RNF144A: variants seen among roughly 807,000 people sequenced by gnomAD.
RNF144A encodes the protein E3 ubiquitin-protein ligase RNF144A.
A neutral mutation model predicts 38.7 loss-of-function variants in RNF144A; 11 were observed. That is an observed-to-expected ratio of 0.28 (90% CI 0.18 to 0.47). The LOEUF (loss-of-function observed/expected upper bound fraction) is 0.47, where lower values mean the gene tolerates loss of function less well. Among genes scored for constraint, RNF144A ranks in the 20% least tolerant of loss-of-function variants. RNF144A has a pLI of 0.99. For missense variants in RNF144A, 316 were observed against 377.2 expected (o/e 0.84, Z 1.34); for synonymous variants, 149 against 143.9 (o/e 1.04, Z -0.25).
At chr2:7,012,064 A>G (rs112631990) in intron 3 of RNF144A, among the ~76,000 whole-genome samples, 148 of 152,324 alleles carry the variant, frequency 9.7e-4, no homozygotes, top group Middle Eastern at 3.4e-3. Flanking sequence ...TTTTATCATT[A>G]TATACTGATC....
At position 6,941,883 on chromosome 2, in the gene RNF144A, T is replaced by C. The variant is rs1339214627; in HGVS notation, c.-12+736T>C. 1.3e-5 allele frequency among the ~76,000 whole-genome samples: 2 copies of C among 152,226 alleles called. No individual in the cohort carries two copies. The highest frequency in any genetic ancestry group is 2.4e-5 in the African/African-American group (1 of 41,464). On this transcript the variant is annotated intron_variant, in intron 2 of 8. Transcript: ENST00000320892. The surrounding 1 kb of genome is among the most constrained non-coding windows in gnomAD (Gnocchi z 6.5). ...CCCAGGCCAGCCTGGCTGGAAGGAC[T>C]CAGCACAGAGCTGTGAGCTGGGACT...
At chr2:7,068,400 T>C (rs1293272201), downstream of RNF144A, 1 of 470,854 alleles carries the variant, frequency 2.1e-6, no homozygotes, top group Non-Finnish European at 3.8e-6. Context: ...TTTTGGGCAT[T>C]ATAGAAGAAA....
At chr2:7,032,196 C>G (rs1027111965) in intron 8 of RNF144A, among the ~76,000 whole-genome samples, 4 of 151,604 alleles carry the variant, frequency 2.6e-5, no homozygotes, top group Non-Finnish European at 5.9e-5. Context: ...ATCCACGCCC[C>G]TTGCAGCTCT....
chr2:7,047,685 C>T (rs309297), downstream of RNF144A, among the ~76,000 whole-genome samples: 55,565 of 152,090 alleles, frequency 0.37, 11,123 homozygotes, highest in South Asian at 0.55. Context: ...AAAAGCCTTA[C>T]GCTTGAACTG....
intron 1 of RNF144A, among the ~76,000 whole-genome samples, chr2:6,936,149 G>A (rs915920879): frequency 1.1e-4 from 16 of 152,288 alleles, no homozygotes; most frequent in Admixed American, 3.3e-4. Flanking sequence ...TTCTTTCTCC[G>A]TACATTCTCA....
intron 3 of RNF144A, among the ~76,000 whole-genome samples, chr2:7,010,035 A>T (rs1172828038): frequency 6.6e-6 from 1 of 152,222 alleles, no homozygotes; most frequent in African/African-American, 2.4e-5. Context: ...AATAATTAAT[A>T]GTTCTTGTTT....
chr2:6,959,060 G>A (rs886801654), intron 2 of RNF144A, among the ~76,000 whole-genome samples: 1 of 152,210 alleles, frequency 6.6e-6, no homozygotes, highest in East Asian at 1.9e-4. Context: ...TCCTGGCGAA[G>A]CACCTCATTG....
downstream of RNF144A, among the ~76,000 whole-genome samples, chr2:7,045,848 T>G (rs922891749): frequency 2.6e-5 from 4 of 152,124 alleles, no homozygotes; most frequent in Admixed American, 2.0e-4. Flanking sequence ...AAGCAGTTCT[T>G]CCCTACGCTG....
chr2:6,932,298 C>A (rs1249915856), intron 1 of RNF144A, among the ~76,000 whole-genome samples: 1 of 152,144 alleles, frequency 6.6e-6, no homozygotes, highest in African/African-American at 2.4e-5. Flanking sequence ...TAACATGAAT[C>A]TTCCTATTTG....
chr2:7,006,479 G>T (rs960947053), intron 3 of RNF144A, among the ~76,000 whole-genome samples: 1 of 152,164 alleles, frequency 6.6e-6, no homozygotes, highest in South Asian at 2.1e-4. Flanking sequence ...CCTCCTCAAT[G>T]TCAGGGCAGG....
intron 6 of RNF144A, among the ~76,000 whole-genome samples, chr2:7,024,164 C>T (rs1212601949): frequency 6.6e-6 from 1 of 152,088 alleles, no homozygotes; most frequent in South Asian, 2.1e-4. Flanking sequence ...TTTCCTAACT[C>T]AAAGTGGCTG....
At chr2:7,057,891 G>C (rs1673800947) in intron 6 of RNF144A, among the ~76,000 whole-genome samples, 1 of 152,336 alleles carries the variant, frequency 6.6e-6, no homozygotes, top group South Asian at 2.1e-4. Context: ...AGTCAGCAAA[G>C]AGGCAGTAGT....
intron 1 of RNF144A, among the ~76,000 whole-genome samples, chr2:6,938,898 T>C (rs1665778783): frequency 6.6e-6 from 1 of 152,214 alleles, no homozygotes; most frequent in Admixed American, 6.5e-5. Context: ...ACCCATGCTG[T>C]AGCATGAATC....
At chr2:7,016,412 T>C (rs1036114305) in intron 5 of RNF144A, among the ~76,000 whole-genome samples, 5 of 152,222 alleles carry the variant, frequency 3.3e-5, no homozygotes, top group African/African-American at 1.2e-4. Flanking sequence ...ATGAACTTTC[T>C]ATGACATTGA....
intron 3 of RNF144A, among the ~76,000 whole-genome samples, chr2:7,005,335 T>A (rs1400704974): frequency 6.6e-6 from 1 of 152,160 alleles, no homozygotes; most frequent in East Asian, 1.9e-4. Context: ...GGACCATCGG[T>A]GGGCTTCCCA....
chr2:6,944,040 G>A lies in RNF144A; in HGVS notation c.-12+2893G>A, dbSNP rs2103302631. On this transcript the variant is annotated intron_variant, in intron 2 of 8. Coordinates refer to ENST00000320892, the MANE Select transcript of RNF144A (RefSeq NM_014746.6). This position sits in a 1 kb window ranked among gnomAD's most constrained non-coding sequence, Gnocchi z 4.7. ...AGTGATCTTTTGGCCAAGCTGAGAG[G>A]GACACAGTGAAAGAATGGCTGGAAT... Among the ~76,000 whole-genome samples, 1 of 152,222 alleles carries A rather than the reference G, an allele frequency of 6.6e-6. No individual in the cohort carries two copies. Among genetic ancestry groups the A allele is most frequent in the African/African-American group, 2.4e-5 (1 of 41,554 alleles).
intron 2 of RNF144A, among the ~76,000 whole-genome samples, chr2:6,953,898 T>C (rs1430288775): frequency 2.0e-5 from 3 of 152,336 alleles, no homozygotes; most frequent in African/African-American, 7.2e-5. Context: ...ATTTTTGCTT[T>C]ATATATTTTG....
At chr2:7,038,017 C>T (rs745885403) in intron 8 of RNF144A, among the ~76,000 whole-genome samples, 1 of 152,240 alleles carries the variant, frequency 6.6e-6, no homozygotes, top group Non-Finnish European at 1.5e-5. Context: ...AGGCTCTGTG[C>T]CTCTTTGACC....
At chr2:6,922,319 G>T (rs1053310793) in intron 1 of RNF144A, among the ~76,000 whole-genome samples, 2 of 152,218 alleles carry the variant, frequency 1.3e-5, no homozygotes, top group African/African-American at 4.8e-5. Context: ...GCCTATGGGA[G>T]CCTGTGGGAG....
Sources: gnomAD v4.1 joint callset for allele counts (sites outside exome capture counted in the v4.1 genomes callset) on GRCh38, gnomAD v4.1.1 for gene constraint, Gnocchi (gnomAD v3.1) non-coding constraint, MANE v1.5 for transcripts, NCBI Gene and HGNC (gene_info 2026-07-23, HGNC 2026-07-21) for gene names.